Variants in SYNPR observed in about 807,000 individuals in gnomAD.
The protein encoded by SYNPR is synaptoporin.
Under a neutral mutation model 32.9 loss-of-function variants are expected in SYNPR, and 23 were observed. The ratio of observed to expected loss-of-function variants is 0.70; its 90% CI spans 0.50 to 0.99. The LOEUF (loss-of-function observed/expected upper bound fraction) is 0.99, where lower values mean the gene tolerates loss of function less well. Ranked by LOEUF, SYNPR falls within the 50% of genes least tolerant of loss-of-function variation. The pLI is 0.00. For missense variants in SYNPR, 318 were observed against 349.3 expected (o/e 0.91, Z 0.71); for synonymous variants, 146 against 135.9 (o/e 1.07, Z -0.52).
chr3:63,502,744 A>G (rs910589724), intron 3 of SYNPR, among the ~76,000 whole-genome samples: 1 of 151,974 alleles, frequency 6.6e-6, no homozygotes, highest in Non-Finnish European at 1.5e-5. Flanking sequence ...TCTTTTTAGC[A>G]CTTAATAATA....
Position 63,480,969 on chromosome 3 carries a change from G to A in SYNPR, c.209+13G>A. On this transcript the variant is annotated intron_variant, in intron 3 of 5. Coordinates refer to ENST00000478300, the MANE Select transcript of SYNPR (RefSeq NM_001130003.2). ...CCTACCCATTCAGGTAGGGAATGGT[G>A]GTTCATGCTTGTTAGCCTCACAGGG... 1 of 1,607,126 alleles carries A rather than the reference G, an allele frequency of 6.2e-7. No individual in the cohort carries two copies. Among genetic ancestry groups the A allele is most frequent in the Non-Finnish European group, 8.5e-7 (1 of 1,175,620 alleles).
chr3:63,372,266 C>T (rs2087825403), intron 2 of SYNPR, among the ~76,000 whole-genome samples: 1 of 152,088 alleles, frequency 6.6e-6, no homozygotes, highest in Non-Finnish European at 1.5e-5. Context: ...AGCCTTCCAC[C>T]CCCTGCTTCT....
At chr3:63,385,782 G>C (rs557849359) in intron 2 of SYNPR, among the ~76,000 whole-genome samples, 1 of 152,178 alleles carries the variant, frequency 6.6e-6, no homozygotes, top group Non-Finnish European at 1.5e-5. Context: ...GAGGAAACAC[G>C]TACAGTATGC....
At chr3:63,520,069 G>T (rs1273405059) in intron 3 of SYNPR, among the ~76,000 whole-genome samples, 1 of 152,044 alleles carries the variant, frequency 6.6e-6, no homozygotes, top group Non-Finnish European at 1.5e-5. Flanking sequence ...TTTTTTCACA[G>T]AATATCTTAC....
At chr3:63,348,161 G>A (rs1259266008) in intron 2 of SYNPR, among the ~76,000 whole-genome samples, 1 of 151,992 alleles carries the variant, frequency 6.6e-6, no homozygotes, top group Non-Finnish European at 1.5e-5. Flanking sequence ...ATTGTATGTG[G>A]TCCCTTTTTT....
intron 2 of SYNPR, among the ~76,000 whole-genome samples, chr3:63,295,193 CGG>C (rs1560182658): frequency 0.012 from 1,837 of 152,060 alleles, 28 homozygotes; most frequent in African/African-American, 0.041. Flanking sequence ...TGGGCTATGT[CGG>C]CCTCCCTGTG....
rs547979035 is a variant in SYNPR at position 63,588,123 on chromosome 3, TA to T, written c.409-20995del. ...AAACTTTGTTGTGTTATCTGTTTTT[TA>T]AAAAAATCAGTTTGTGTCTGTTTGT... is the stretch of plus-strand genomic sequence containing the variant. On this transcript the variant is annotated intron_variant, in intron 4 of 5. Transcript: ENST00000478300. 6.0e-4 allele frequency among the ~76,000 whole-genome samples: 92 copies of T among 152,248 alleles called. 1 individual carries two copies. The Middle Eastern group carries it at 0.01, about 17-fold the overall frequency.
At chr3:63,416,668 G>A (rs1460753999) in intron 2 of SYNPR, among the ~76,000 whole-genome samples, 3 of 151,872 alleles carry the variant, frequency 2.0e-5, no homozygotes, top group Admixed American at 1.3e-4. Context: ...GTTTAATGGA[G>A]TCACAGTTCC....
chr3:63,289,278 G>A (rs2086715947), intron 2 of SYNPR: 1 of 152,258 alleles, frequency 6.6e-6, no homozygotes, highest in South Asian at 2.1e-4. Context: ...AATGTTGATT[G>A]TGAGATGTCT....
chr3:63,541,386 A>T (rs1165335599), intron 3 of SYNPR, among the ~76,000 whole-genome samples: 3 of 151,938 alleles, frequency 2.0e-5, no homozygotes, highest in Non-Finnish European at 4.4e-5. Context: ...TTCTTATAAG[A>T]CTCAACCAAC....
chr3:63,377,712 G>T (rs2087913701), intron 2 of SYNPR, among the ~76,000 whole-genome samples: 2 of 151,900 alleles, frequency 1.3e-5, no homozygotes, highest in Admixed American at 6.6e-5. Context: ...TAATTACATG[G>T]TTTTATATTT....
chr3:63,225,647 A>G (rs2086123129), upstream of SYNPR, among the ~76,000 whole-genome samples: 1 of 152,202 alleles, frequency 6.6e-6, no homozygotes, highest in Non-Finnish European at 1.5e-5. Flanking sequence ...TACAAAAACC[A>G]ACTCAAGATG....
intron 2 of SYNPR, among the ~76,000 whole-genome samples, chr3:63,338,827 G>A (rs921242676): frequency 1.3e-5 from 2 of 152,164 alleles, no homozygotes; most frequent in Non-Finnish European, 2.9e-5. Context: ...TCAGAATCCA[G>A]CAATCCCAAC....
At chr3:63,331,686 T>G (rs1055182372) in intron 2 of SYNPR, among the ~76,000 whole-genome samples, 8 of 152,162 alleles carry the variant, frequency 5.3e-5, no homozygotes, top group Non-Finnish European at 8.8e-5. Flanking sequence ...GATGTGAACC[T>G]GCTATTAGCA....
intron 1 of SYNPR, among the ~76,000 whole-genome samples, chr3:63,241,519 G>A (rs1272957589): frequency 6.6e-6 from 1 of 151,900 alleles, no homozygotes; most frequent in Admixed American, 6.6e-5. Context: ...TGAGATTTGG[G>A]GGTAAGACCA....
chr3:63,367,545 G>A (rs1049658746), intron 2 of SYNPR, among the ~76,000 whole-genome samples: 2 of 151,896 alleles, frequency 1.3e-5, no homozygotes, highest in Non-Finnish European at 2.9e-5. Flanking sequence ...TGGTAGACAT[G>A]GGGTTTTACC....
chr3:63,465,278 G>T (rs1423081566), intron 2 of SYNPR, among the ~76,000 whole-genome samples: 1 of 151,908 alleles, frequency 6.6e-6, no homozygotes, highest in African/African-American at 2.4e-5. Flanking sequence ...ATCAATAAAA[G>T]ATTATTAACA....
chr3:63,445,117 A>G (rs1376002299), intron 2 of SYNPR, among the ~76,000 whole-genome samples: 2 of 152,100 alleles, frequency 1.3e-5, no homozygotes, highest in African/African-American at 4.8e-5. Flanking sequence ...ATTTTATATA[A>G]TCATTCTCCT....
intron 2 of SYNPR, among the ~76,000 whole-genome samples, chr3:63,316,130 A>G (rs2087040944): frequency 6.6e-6 from 1 of 151,942 alleles, no homozygotes; most frequent in African/African-American, 2.4e-5. Flanking sequence ...AGGTTGTTGG[A>G]TTCAGTTAGC....
Sources: allele counts gnomAD v4.1 joint callset (sites outside exome capture counted in the v4.1 genomes callset), GRCh38; gene constraint gnomAD v4.1.1; transcripts MANE v1.5; gene names NCBI Gene and HGNC (gene_info 2026-07-23, HGNC 2026-07-21).